The following STXBP6 variants were observed in gnomAD, a reference collection of about 807,000 sequenced individuals.
STXBP6 encodes the protein syntaxin binding protein 6.
A neutral mutation model predicts 26.9 loss-of-function variants in STXBP6; 21 were observed. That is an observed-to-expected ratio of 0.78 (90% CI 0.55 to 1.12). The LOEUF (loss-of-function observed/expected upper bound fraction) is 1.12, where lower values mean the gene tolerates loss of function less well. Among genes scored for constraint, STXBP6 ranks in the 50% most tolerant of loss-of-function variants. The pLI, the probability that STXBP6 is intolerant of heterozygous loss-of-function variation, is 0.00. For synonymous variants in STXBP6, 97 were observed against 92.6 expected, an observed-to-expected ratio of 1.05 and a Z score of -0.27; for missense variants, 232 against 257.9, an observed-to-expected ratio of 0.90 and a Z score of 0.69.
chr14:25,047,044 C>T (rs11623931), intron 1 of STXBP6, among the ~76,000 whole-genome samples: 21,127 of 152,122 alleles, frequency 0.14, 1,783 homozygotes, highest in Non-Finnish European at 0.19. Context: ...GCTGTCCATT[C>T]GGAAAAGACA....
intron 2 of STXBP6, among the ~76,000 whole-genome samples, chr14:24,959,926 G>A (rs979043096): frequency 6.6e-6 from 1 of 152,180 alleles, no homozygotes; most frequent in Non-Finnish European, 1.5e-5. Flanking sequence ...TCATAACAGT[G>A]TACTAAAAGC....
At chr14:24,862,752 TAGA>T (rs1324905050) in intron 2 of STXBP6, among the ~76,000 whole-genome samples, 1 of 152,136 alleles carries the variant, frequency 6.6e-6, no homozygotes, top group East Asian at 1.9e-4. Flanking sequence ...AGTCTTTCAG[TAGA>T]AGGAGAAAAA....
intron 4 of STXBP6, among the ~76,000 whole-genome samples, chr14:24,839,884 G>A (rs1208722337): frequency 6.6e-6 from 1 of 152,148 alleles, no homozygotes; most frequent in African/African-American, 2.4e-5. Context: ...CTTAACCACC[G>A]CTTTCTAGAG....
At chr14:24,860,538 C>G (rs2069499232) in intron 2 of STXBP6, among the ~76,000 whole-genome samples, 1 of 152,120 alleles carries the variant, frequency 6.6e-6, no homozygotes, top group Non-Finnish European at 1.5e-5. Context: ...AGCATAATCC[C>G]TCAACTATTC....
chr14:24,949,664 T>TA (rs2073100357), intron 2 of STXBP6, among the ~76,000 whole-genome samples: 1 of 152,256 alleles, frequency 6.6e-6, no homozygotes, highest in South Asian at 2.1e-4. Context: ...TTCAGATTAA[T>TA]AAAAATAGTG....
chr14:25,049,192 A>C lies in STXBP6; in HGVS notation c.-33+686T>G. The C allele has an allele frequency of 2.0e-6, 2 of 985,398 alleles. No individual in the cohort carries two copies. Among genetic ancestry groups the C allele is most frequent in the Non-Finnish European group, 2.4e-6 (2 of 829,956 alleles). 61.0% of individuals were successfully genotyped at this position (985,398 alleles called of 1,614,324 possible). On this transcript the variant is annotated intron_variant, in intron 1 of 5. Coordinates refer to ENST00000323944, the MANE Select transcript of STXBP6 (RefSeq NM_001394410.1). This position sits in a 1 kb window ranked among gnomAD's most constrained non-coding sequence, Gnocchi z 5.6. ...AAACCTGAGGAAAGGTTGGAGGGAA[A>C]ATCAAGCCACCCACCTACTCCAGCC...
At position 24,967,156 on chromosome 14, in the gene STXBP6, G is replaced by C. The variant is rs2073760282; in HGVS notation, c.154+7509C>G. Among the ~76,000 whole-genome samples, 4 of 152,144 alleles carry C rather than the reference G, an allele frequency of 2.6e-5. No individual in the cohort carries two copies. The South Asian group carries it at 8.3e-4, about 31-fold the overall frequency. ...TGGGCAGGCTAATTTGCCTCTACAT[G>C]CTCAGTTTCCTCATCTACAAATAAG... is the stretch of plus-strand genomic sequence containing the variant. On this transcript the variant is annotated intron_variant, in intron 2 of 5. Coordinates refer to ENST00000323944, the MANE Select transcript of STXBP6 (RefSeq NM_001394410.1).
chr14:25,019,667 C>T (rs2075224887), intron 1 of STXBP6, among the ~76,000 whole-genome samples: 2 of 152,162 alleles, frequency 1.3e-5, no homozygotes, highest in African/African-American at 4.8e-5. Flanking sequence ...GAAACCTGGA[C>T]ACTCTTGCCC....
chr14:24,898,676 C>CA lies in STXBP6; in HGVS notation c.155-41520dup, dbSNP rs958312546. 8.0e-4 allele frequency among the ~76,000 whole-genome samples: 121 copies of CA among 150,912 alleles called. 1 individual carries two copies. The highest frequency in any genetic ancestry group is 2.5e-3 in the African/African-American group (102 of 41,122). Reference sequence around the variant, plus strand: ...TGGGCAATAGAGGGATACTCCATCTCAAAAAAAACAAAACAAAACAAAAAA... The same window carrying CA: ...TGGGCAATAGAGGGATACTCCATCTCAAAAAAAAACAAAACAAAACAAAAAA... On this transcript the variant is annotated intron_variant, in intron 2 of 5. Coordinates refer to ENST00000323944, the MANE Select transcript of STXBP6 (RefSeq NM_001394410.1).
At chr14:24,851,941 A>T (rs1201284160) in intron 4 of STXBP6, among the ~76,000 whole-genome samples, 2 of 152,118 alleles carry the variant, frequency 1.3e-5, no homozygotes, top group East Asian at 3.9e-4. Context: ...AGCTGTTGGA[A>T]CCCCCAAAAA....
chr14:24,996,954 A>G (rs2074620596), intron 1 of STXBP6, among the ~76,000 whole-genome samples: 1 of 152,022 alleles, frequency 6.6e-6, no homozygotes, highest in Non-Finnish European at 1.5e-5. Flanking sequence ...ACAAAGACAC[A>G]AGAATGAATT....
chr14:24,934,741 C>T (rs2072537325), intron 2 of STXBP6, among the ~76,000 whole-genome samples: 1 of 151,802 alleles, frequency 6.6e-6, no homozygotes. Flanking sequence ...TAATAAAAGC[C>T]AAGGGGCATA....
chr14:25,044,170 CAAAAAA>C (rs768658907), intron 1 of STXBP6, among the ~76,000 whole-genome samples: 25 of 53,328 alleles, frequency 4.7e-4, no homozygotes, highest in Non-Finnish European at 7.3e-4. Context: ...GACTCTGCCT[CAAAAAA>C]AAAAAAAAAA....
intron 1 of STXBP6, among the ~76,000 whole-genome samples, chr14:24,987,120 A>G (rs1160900971): frequency 6.6e-6 from 1 of 152,216 alleles, no homozygotes; most frequent in Non-Finnish European, 1.5e-5. Context: ...CTCAATTAAC[A>G]CTAGTACAAG....
intron 2 of STXBP6, among the ~76,000 whole-genome samples, chr14:24,868,338 A>C (rs1389112583): frequency 6.6e-6 from 1 of 152,188 alleles, no homozygotes; most frequent in Non-Finnish European, 1.5e-5. Context: ...TAAGCACATA[A>C]AAGGATGTTC....
chr14:24,876,691 C>T (rs188869470), intron 2 of STXBP6, among the ~76,000 whole-genome samples: 1 of 152,234 alleles, frequency 6.6e-6, no homozygotes, highest in Admixed American at 6.5e-5. Flanking sequence ...AGCTGCAGGG[C>T]AAGGTTCACT....
chr14:24,819,251 G>C, intron 4 of STXBP6, 57 bp from the exon 5 acceptor site: 1 of 1,604,470 alleles, frequency 6.2e-7, no homozygotes, highest in Non-Finnish European at 8.5e-7. Context: ...ACAGTGACCA[G>C]ACTCCGGCAG....
chr14:24,947,710 G>A (rs1460586444), intron 2 of STXBP6, among the ~76,000 whole-genome samples: 1 of 152,100 alleles, frequency 6.6e-6, no homozygotes, highest in Non-Finnish European at 1.5e-5. Flanking sequence ...GGATAAGAAT[G>A]TGTAATATTA....
intron 1 of STXBP6, among the ~76,000 whole-genome samples, chr14:25,040,879 G>C (rs556553875): frequency 6.6e-6 from 1 of 152,286 alleles, no homozygotes; most frequent in South Asian, 2.1e-4. Flanking sequence ...TCAACTATTA[G>C]ATAGACCAGT....
Sources: gnomAD v4.1 joint callset for allele counts (sites outside exome capture counted in the v4.1 genomes callset) on GRCh38, gnomAD v4.1.1 for gene constraint, Gnocchi (gnomAD v3.1) non-coding constraint, MANE v1.5 for transcripts, NCBI Gene and HGNC (gene_info 2026-07-23, HGNC 2026-07-21) for gene names.